Variants in PCDHA6 observed in about 807,000 individuals in gnomAD.
The protein encoded by PCDHA6 is protocadherin alpha 6.
PCDHA6 carries 55 observed loss-of-function variants against 60.3 expected under a neutral mutation model. That is an observed-to-expected ratio of 0.91 (90% CI 0.73 to 1.14). The LOEUF is 1.14. PCDHA6 is among the 50% of genes most tolerant of loss of function. PCDHA6 has a pLI of 0.00. For synonymous variants in PCDHA6, 652 were observed against 557.9 expected (o/e 1.17, Z -2.38); for missense variants, 1,327 against 1,256.5 (o/e 1.06, Z -0.85).
At chr5:140,832,784 G>A (rs1414101798) in intron 1 of PCDHA6, among the ~76,000 whole-genome samples, 1 of 152,146 alleles carries the variant, frequency 6.6e-6, no homozygotes, top group African/African-American at 2.4e-5. Context: ...TGCTAGAAAG[G>A]TACATCATAG....
intron 1 of PCDHA6, chr5:140,876,915 C>G: frequency 6.2e-7 from 1 of 1,613,966 alleles, no homozygotes; most frequent in East Asian, 2.2e-5. Flanking sequence ...CGGCATGGGA[C>G]GCGGACGCGC....
chr5:140,998,646 C>G (rs1413467899), intron 3 of PCDHA6, among the ~76,000 whole-genome samples: 1 of 151,870 alleles, frequency 6.6e-6, no homozygotes, highest in Non-Finnish European at 1.5e-5. Flanking sequence ...CTCACTGCAA[C>G]CTCTGCCTCC....
intron 1 of PCDHA6, chr5:140,870,556 G>A (rs782048917): frequency 8.1e-6 from 13 of 1,614,038 alleles, no homozygotes; most frequent in Middle Eastern, 1.7e-4. Flanking sequence ...GGACGCGCAG[G>A]AGAACGCGCT....
chr5:140,939,733 C>T (rs1433987863), intron 1 of PCDHA6, among the ~76,000 whole-genome samples: 2 of 152,162 alleles, frequency 1.3e-5, no homozygotes, highest in Non-Finnish European at 2.9e-5. Flanking sequence ...TTGTGTGTAG[C>T]TGTGTATCAT....
chr5:140,841,857 T>G (rs182904804), intron 1 of PCDHA6: 1 of 1,613,742 alleles, frequency 6.2e-7, no homozygotes, highest in Non-Finnish European at 8.5e-7. Context: ...GATTACTTCA[T>G]GCTAGATGTG....
At chr5:140,928,452 G>T in intron 1 of PCDHA6, 3 of 1,614,126 alleles carry the variant, frequency 1.9e-6, no homozygotes, top group Non-Finnish European at 2.5e-6. Flanking sequence ...AGCTCAGGGG[G>T]TTTCATTTCC....
chr5:140,875,260 C>T (rs2153321792), intron 1 of PCDHA6: 1 of 1,109,124 alleles, frequency 9.0e-7, no homozygotes, highest in Non-Finnish European at 1.2e-6. Context: ...CACATGATGT[C>T]GCTCTACACT....
chr5:140,969,305 A>C (rs1481597194), intron 1 of PCDHA6: 1 of 1,614,206 alleles, frequency 6.2e-7, no homozygotes, highest in East Asian at 2.2e-5. Flanking sequence ...GATTATTCTC[A>C]AAAATGAGGC....
chr5:140,968,866 A>G, intron 1 of PCDHA6: 1 of 1,614,230 alleles, frequency 6.2e-7, no homozygotes, highest in Non-Finnish European at 8.5e-7. Flanking sequence ...GCCCTCGGAC[A>G]TACTCTGAAA....
At chr5:140,851,481 C>G in intron 1 of PCDHA6, 1 of 891,038 alleles carries the variant, frequency 1.1e-6, no homozygotes, top group Non-Finnish European at 1.4e-6. Flanking sequence ...ATGTTATAAA[C>G]ACAGCCTTCA....
chr5:140,863,228 C>A, intron 1 of PCDHA6: 1 of 1,183,022 alleles, frequency 8.5e-7, no homozygotes, highest in Non-Finnish European at 1.2e-6. Flanking sequence ...AGGAAGGTCC[C>A]ATCGCGGGCT....
chr5:140,877,081 G>T (rs201590988), intron 1 of PCDHA6: 2 of 1,613,120 alleles, frequency 1.2e-6, no homozygotes, highest in Non-Finnish European at 1.7e-6. Flanking sequence ...CCAGGTGAGC[G>T]CGCGCGACGC....
intron 3 of PCDHA6, among the ~76,000 whole-genome samples, chr5:140,985,238 A>G (rs2097143387): frequency 1.3e-5 from 2 of 152,120 alleles, no homozygotes; most frequent in Non-Finnish European, 2.9e-5. Context: ...CGCCTGGCCT[A>G]ATCTTCTTAC....
chr5:140,966,978 G>T lies in PCDHA6; in HGVS notation c.2395-11971G>T, dbSNP rs782662616. The stretch of plus-strand genomic sequence containing the variant: ...CGCGCGCTGGGGCTTGAGCTGCGGC[G>T]CTTGGGGCCGGGTTGCTTGCGCATC... On this transcript the variant is annotated intron_variant, in intron 1 of 3. Transcript: ENST00000529310. 3.1e-6 allele frequency: 5 copies of T among 1,603,218 alleles called. No homozygotes were observed. In the African/African-American group the frequency reaches 5.3e-5, roughly 17 times the overall value.
chr5:140,853,605 G>C lies in PCDHA6; in HGVS notation c.2394+23120G>C, dbSNP rs773791072. ...TCTTAGACACTTTGAGAGCAAAGGG[G>C]GTGCTGTAAATAAGTATACAAGATC... On this transcript the variant is annotated intron_variant, in intron 1 of 3. Coordinates refer to ENST00000529310, the MANE Select transcript of PCDHA6 (RefSeq NM_018909.4). The C allele has an allele frequency of 3.1e-5, 31 of 987,206 alleles. 2 individuals carry two copies. The highest frequency in any genetic ancestry group is 3.7e-5 in the Non-Finnish European group (30 of 819,622). The allele number at this position is 987,206 out of a possible 1,614,324, so 61.2% of individuals were successfully genotyped here.
At chr5:140,935,981 C>T (rs1206046231) in intron 1 of PCDHA6, among the ~76,000 whole-genome samples, 2 of 151,096 alleles carry the variant, frequency 1.3e-5, no homozygotes, top group Non-Finnish European at 2.9e-5. Context: ...CAATCTCTGC[C>T]TCCCGGGTTC....
chr5:140,848,456 A>T (rs2150410759), intron 1 of PCDHA6: 1 of 1,524,638 alleles, frequency 6.6e-7, no homozygotes, highest in South Asian at 1.2e-5. Flanking sequence ...TCTAATTTGG[A>T]GGCAATTTTC....
chr5:140,860,129 G>GTGTGTATATA (rs1168748861), intron 1 of PCDHA6: 1 of 150,592 alleles, frequency 6.6e-6, no homozygotes, highest in Non-Finnish European at 1.5e-5. Flanking sequence ...TACTGTGTGT[G>GTGTGTATATA]TGTGTATATA....
intron 1 of PCDHA6, chr5:140,967,239 G>A: frequency 1.9e-6 from 3 of 1,613,672 alleles, no homozygotes; most frequent in Non-Finnish European, 2.5e-6. Context: ...CTTCAGGTAA[G>A]CGAATCGGTG....
Sources: allele counts gnomAD v4.1 joint callset (sites outside exome capture counted in the v4.1 genomes callset), GRCh38; gene constraint gnomAD v4.1.1; transcripts MANE v1.5; gene names NCBI Gene and HGNC (gene_info 2026-07-23, HGNC 2026-07-21).